Variants in GRID1 observed in about 807,000 individuals in gnomAD.
The protein encoded by GRID1 is glutamate receptor ionotropic, delta-1.
A neutral mutation model predicts 98.0 loss-of-function variants in GRID1; 28 were observed. That is an observed-to-expected ratio of 0.29 (90% confidence interval 0.21 to 0.39). GRID1 has a LOEUF of 0.39. Ranked by LOEUF, GRID1 falls within the 10% of genes least tolerant of loss-of-function variation. The pLI is 1.00. For synonymous variants in GRID1, 553 were observed against 538.5 expected (o/e 1.03, Z -0.37); for missense variants, 1,111 against 1,340.5 (o/e 0.83, Z 2.67).
At chr10:86,253,670 G>C (rs999509176) in intron 2 of GRID1, among the ~76,000 whole-genome samples, 3 of 152,178 alleles carry the variant, frequency 2.0e-5, no homozygotes, top group Non-Finnish European at 4.4e-5. Context: ...AGGGCATCAG[G>C]AAAGGGGATC....
intron 6 of GRID1, among the ~76,000 whole-genome samples, chr10:85,865,964 G>T (rs1183850443): frequency 0.069 from 498 of 7,228 alleles, 11 homozygotes; most frequent in Non-Finnish European, 0.12. Context: ...TGGAGAGAGA[G>T]AGAGAGAGAG....
At chr10:86,003,723 A>T (rs1162033258) in intron 4 of GRID1, among the ~76,000 whole-genome samples, 2 of 152,268 alleles carry the variant, frequency 1.3e-5, no homozygotes, top group Admixed American at 6.5e-5. Context: ...ATATTCAAAC[A>T]TCTATAAATG....
intron 4 of GRID1, among the ~76,000 whole-genome samples, chr10:85,986,675 T>A (rs1842612354): frequency 1.3e-5 from 2 of 152,166 alleles, no homozygotes; most frequent in African/African-American, 4.8e-5. Context: ...GCTTCCAAAA[T>A]GTGCCCTGGC....
rs71016126 is a variant in GRID1, at chr10:86,247,259, A to AGATGGATG, written c.236-40619_236-40612dup. Among the ~76,000 whole-genome samples, 14 of 139,658 alleles carry AGATGGATG rather than the reference A, an allele frequency of 1.0e-4. 1 individual carries two copies. The highest frequency in any genetic ancestry group is 4.1e-4 in the Admixed American group (6 of 14,458). The allele number at this position is 139,658 out of a possible 152,430, so 91.6% of individuals were successfully genotyped here. ...CAGAGGGATGGACAGATGGATGGAT[A>AGATGGATG]GATGGATGGATGGATAGATGGATAG... On this transcript the variant is annotated intron_variant, in intron 2 of 15. Coordinates refer to ENST00000327946, the MANE Select transcript of GRID1 (RefSeq NM_017551.3).
At chr10:86,288,272 C>T (rs1051423983) in intron 2 of GRID1, among the ~76,000 whole-genome samples, 4 of 152,156 alleles carry the variant, frequency 2.6e-5, no homozygotes, top group Admixed American at 6.5e-5. Flanking sequence ...TCAGCTGGAG[C>T]GTTCAGGCAT....
intron 4 of GRID1, among the ~76,000 whole-genome samples, chr10:85,937,408 A>G (rs921721869): frequency 2.0e-4 from 30 of 152,290 alleles, no homozygotes; most frequent in South Asian, 2.1e-4. Flanking sequence ...CTGTTATTCA[A>G]AATACCCACC....
intron 3 of GRID1, among the ~76,000 whole-genome samples, chr10:86,185,891 TGTCACGTTTTG>T (rs1762515354): frequency 6.6e-6 from 1 of 152,216 alleles, no homozygotes; most frequent in Non-Finnish European, 1.5e-5. Context: ...TTAATTTGCT[TGTCACGTTTTG>T]GTCAGTTTTA....
chr10:85,826,290 G>A (rs1017115538), intron 8 of GRID1, among the ~76,000 whole-genome samples: 16 of 152,172 alleles, frequency 1.1e-4, no homozygotes, highest in East Asian at 1.9e-4. Context: ...AGCCGAGATC[G>A]CGCCACTGCA....
At chr10:86,098,112 G>A (rs1844247371) in intron 4 of GRID1, among the ~76,000 whole-genome samples, 2 of 152,086 alleles carry the variant, frequency 1.3e-5, no homozygotes, top group South Asian at 2.1e-4. Flanking sequence ...AGTGGCATCT[G>A]GCCTCCTTTT....
At chr10:86,146,801 G>T (rs1241430613) in intron 3 of GRID1, among the ~76,000 whole-genome samples, 1 of 152,184 alleles carries the variant, frequency 6.6e-6, no homozygotes, top group African/African-American at 2.4e-5. Flanking sequence ...GAAAGGAGTG[G>T]CTCCCTTCTG....
At chr10:85,978,614 GA>G (rs554042641) in intron 4 of GRID1, among the ~76,000 whole-genome samples, 280 of 146,276 alleles carry the variant, frequency 1.9e-3, no homozygotes, top group African/African-American at 5.9e-3. Context: ...TACTTTAACA[GA>G]AAAAAAAAAA....
rs73351686 is a variant in GRID1, at chr10:86,262,160, G to C, written c.236-55512C>G. Reference sequence around the variant, plus strand: ...AGGAGGAGGAAGCAGGGGAAGAAAGGCGCTGATCTGAAAGCAGTTAGTCTG... The same window carrying C: ...AGGAGGAGGAAGCAGGGGAAGAAAGCCGCTGATCTGAAAGCAGTTAGTCTG... On this transcript the variant is annotated intron_variant, in intron 2 of 15. Transcript: ENST00000327946. 9.7e-3 allele frequency among the ~76,000 whole-genome samples: 1,482 copies of C among 152,328 alleles called. 26 individuals are homozygous for C. Among genetic ancestry groups the C allele is most frequent in the African/African-American group, 0.034 (1,418 of 41,562 alleles).
At chr10:85,661,746 T>G (rs895151459) in intron 12 of GRID1, among the ~76,000 whole-genome samples, 2 of 152,168 alleles carry the variant, frequency 1.3e-5, no homozygotes, top group Admixed American at 1.3e-4. Context: ...GTCCCCACAG[T>G]GCCTCGGGAT....
At chr10:86,032,041 T>C (rs2131893416) in intron 4 of GRID1, among the ~76,000 whole-genome samples, 2 of 152,292 alleles carry the variant, frequency 1.3e-5, no homozygotes, top group Non-Finnish European at 2.9e-5. Context: ...TTCCCCTTAC[T>C]CATCTTCACC....
chr10:86,324,184 A>G (rs1329178790), intron 2 of GRID1, among the ~76,000 whole-genome samples: 4 of 152,152 alleles, frequency 2.6e-5, no homozygotes, highest in Non-Finnish European at 5.9e-5. Flanking sequence ...TCTCAAAAAA[A>G]AAAAATTGGT....
intron 4 of GRID1, among the ~76,000 whole-genome samples, chr10:85,999,308 T>C (rs1842777908): frequency 1.5e-5 from 1 of 65,884 alleles, no homozygotes; most frequent in South Asian, 7.9e-4. Context: ...AAGTATTAAA[T>C]AAATGTAACA....
At chr10:86,200,198 G>A (rs1212610810) in intron 3 of GRID1, among the ~76,000 whole-genome samples, 1 of 151,876 alleles carries the variant, frequency 6.6e-6, no homozygotes, top group Non-Finnish European at 1.5e-5. Flanking sequence ...TTAAGCACCT[G>A]TTTAAATGTC....
intron 8 of GRID1, among the ~76,000 whole-genome samples, chr10:85,809,861 C>T (rs1590242004): frequency 6.6e-6 from 1 of 152,200 alleles, no homozygotes; most frequent in African/African-American, 2.4e-5. Context: ...CAGCAGCCCT[C>T]ACTGCCACTA....
chr10:85,689,447 A>G (rs1207750759), intron 12 of GRID1, among the ~76,000 whole-genome samples: 3 of 33,280 alleles, frequency 9.0e-5, no homozygotes, highest in East Asian at 3.1e-4. Flanking sequence ...AAAGAAATGG[A>G]AAAAAAAAAA....
Sources: allele counts gnomAD v4.1 joint callset (sites outside exome capture counted in the v4.1 genomes callset), GRCh38; gene constraint gnomAD v4.1.1; transcripts MANE v1.5; gene names NCBI Gene and HGNC (gene_info 2026-07-23, HGNC 2026-07-21).